Variants in EXOC4 observed in about 807,000 individuals in gnomAD.
EXOC4 encodes exocyst complex component 4.
EXOC4 carries 71 observed loss-of-function variants against 107.2 expected under a neutral mutation model. That is an observed-to-expected ratio of 0.66 (90% CI 0.55 to 0.81). The LOEUF is 0.81. EXOC4 is among the 30% of genes least tolerant of loss of function. The pLI is 0.00. For synonymous variants in EXOC4, 456 were observed against 441.2 expected (o/e 1.03, Z -0.42); for missense variants, 1,108 against 1,189.6 (o/e 0.93, Z 1.01).
At chr7:133,812,536 G>T (rs1797258437) in intron 10 of EXOC4, among the ~76,000 whole-genome samples, 1 of 152,064 alleles carries the variant, frequency 6.6e-6, no homozygotes, top group African/African-American at 2.4e-5. Context: ...GGCTAGGAAG[G>T]CTCATTTTCT....
intron 14 of EXOC4, among the ~76,000 whole-genome samples, chr7:133,982,772 T>C (rs1393745327): frequency 6.6e-6 from 1 of 152,142 alleles, no homozygotes; most frequent in Non-Finnish European, 1.5e-5. Flanking sequence ...TTCCAAATAG[T>C]ATAATATATG....
intron 7 of EXOC4, among the ~76,000 whole-genome samples, chr7:133,436,727 C>T (rs1797984751): frequency 6.6e-6 from 1 of 152,092 alleles, no homozygotes; most frequent in Non-Finnish European, 1.5e-5. Flanking sequence ...TATTAATGTG[C>T]ACTATATGGA....
intron 12 of EXOC4, among the ~76,000 whole-genome samples, chr7:133,915,327 G>T (rs1799783703): frequency 6.6e-6 from 1 of 152,164 alleles, no homozygotes; most frequent in Non-Finnish European, 1.5e-5. Context: ...ACAGGAAAAA[G>T]GGGAGATAGG....
At chr7:133,491,055 A>G (rs1799363499) in intron 9 of EXOC4, among the ~76,000 whole-genome samples, 1 of 152,206 alleles carries the variant, frequency 6.6e-6, no homozygotes, top group Admixed American at 6.5e-5. Flanking sequence ...GCCTGGTTCT[A>G]TATGGAGATT....
chr7:133,653,975 G>A (rs745358755), intron 10 of EXOC4, among the ~76,000 whole-genome samples: 2 of 152,116 alleles, frequency 1.3e-5, no homozygotes, highest in African/African-American at 2.4e-5. Context: ...AAACCTAGTC[G>A]GGAAAGGTAG....
At chr7:133,867,154 T>C (rs1305949330) in intron 11 of EXOC4, among the ~76,000 whole-genome samples, 2 of 152,230 alleles carry the variant, frequency 1.3e-5, no homozygotes, top group Non-Finnish European at 2.9e-5. Context: ...GCAGCCAGAT[T>C]GTCAGGGTTC....
intron 5 of EXOC4, among the ~76,000 whole-genome samples, chr7:133,329,982 G>A (rs776254872): frequency 3.3e-4 from 50 of 152,162 alleles, no homozygotes; most frequent in East Asian, 7.7e-4. Flanking sequence ...CTTCAGAGCC[G>A]TCAGGCAGGG....
intron 1 of EXOC4, among the ~76,000 whole-genome samples, chr7:133,254,189 A>G (rs1023569746): frequency 9.9e-5 from 15 of 152,212 alleles, no homozygotes; most frequent in African/African-American, 3.6e-4. Flanking sequence ...GCATGTATCA[A>G]ACCATTAGAA....
At chr7:133,336,195 G>T (rs545784167) in intron 5 of EXOC4, among the ~76,000 whole-genome samples, 1 of 152,058 alleles carries the variant, frequency 6.6e-6, no homozygotes, top group Non-Finnish European at 1.5e-5. Context: ...TTGAATTTTC[G>T]TGTAGTCTAG....
chr7:133,873,508 T>C (rs1206851092), intron 11 of EXOC4, among the ~76,000 whole-genome samples: 2 of 152,020 alleles, frequency 1.3e-5, no homozygotes, highest in East Asian at 3.9e-4. Flanking sequence ...TGAGGCAGGG[T>C]AAGTGTGAAG....
chr7:133,365,387 A>C (rs556797346), intron 6 of EXOC4, among the ~76,000 whole-genome samples: 2 of 152,190 alleles, frequency 1.3e-5, no homozygotes, highest in Non-Finnish European at 2.9e-5. Flanking sequence ...TTTAATTCAA[A>C]GAAATAGGGC....
chr7:133,835,276 A>G (rs936298775), intron 11 of EXOC4, among the ~76,000 whole-genome samples: 1 of 152,228 alleles, frequency 6.6e-6, no homozygotes, highest in Non-Finnish European at 1.5e-5. Flanking sequence ...AAATTTAAGA[A>G]TGTGTGCCCA....
intron 5 of EXOC4, among the ~76,000 whole-genome samples, chr7:133,354,535 G>A (rs995014006): frequency 1.9e-4 from 29 of 152,132 alleles, no homozygotes; most frequent in African/African-American, 5.8e-4. Context: ...AAGGCAGTAG[G>A]GGAAGGCTAC....
chr7:133,420,589 G>C (rs939540202), intron 7 of EXOC4, among the ~76,000 whole-genome samples: 1 of 152,042 alleles, frequency 6.6e-6, no homozygotes, highest in African/African-American at 2.4e-5. Context: ...ACGCCGAAGG[G>C]GAGGGAAACA....
intron 9 of EXOC4, among the ~76,000 whole-genome samples, chr7:133,594,961 T>C (rs905899772): frequency 2.0e-5 from 3 of 152,112 alleles, no homozygotes; most frequent in Non-Finnish European, 2.9e-5. Context: ...TCAGATCCAA[T>C]GGTCAGGGAA....
rs202008012 is a variant in EXOC4 at position 134,064,386 on chromosome 7, C to G, written c.2783C>G (p.Ala928Gly). 7 of 1,598,616 alleles carry G rather than the reference C, an allele frequency of 4.4e-6. No individual in the cohort carries two copies. In the Admixed American group the frequency reaches 8.6e-5, roughly 20 times the overall value. The change falls in exon 18 of 18, where the codon GCT becomes GGT. Residue 928 changes from alanine (A) to glycine (G), a missense_variant. By Grantham distance (60) the Ala-to-Gly change is moderately conservative (BLOSUM62 0). Transcript: ENST00000253861. ...VKYTELEYIH[A>G]LTLLHRSQTG... ...TACACGGAGCTGGAGTACATCCACG[C>G]TCTGACCCTGCTGCACCGCAGCCAG...
At chr7:134,027,596 C>T (rs1363808754) in intron 17 of EXOC4, among the ~76,000 whole-genome samples, 10 of 145,204 alleles carry the variant, frequency 6.9e-5, no homozygotes, top group Non-Finnish European at 1.3e-4. Flanking sequence ...AGGTGGAGGT[C>T]GCAGTGAGCC....
intron 5 of EXOC4, among the ~76,000 whole-genome samples, chr7:133,332,410 C>G (rs1283328754): frequency 2.6e-5 from 4 of 152,096 alleles, no homozygotes; most frequent in Admixed American, 6.6e-5. Context: ...GTGGGCAGAT[C>G]ACGAGGTCAG....
chr7:133,810,495 T>G (rs1349899996), intron 10 of EXOC4, among the ~76,000 whole-genome samples: 2 of 152,210 alleles, frequency 1.3e-5, no homozygotes, highest in Non-Finnish European at 2.9e-5. Flanking sequence ...GTATTGCATA[T>G]GTACATACAT....
Sources: allele counts gnomAD v4.1 joint callset (sites outside exome capture counted in the v4.1 genomes callset), GRCh38; gene constraint gnomAD v4.1.1; transcripts MANE v1.5; gene names NCBI Gene and HGNC (gene_info 2026-07-23, HGNC 2026-07-21).